Variants in DNAJC1 observed in about 807,000 individuals in gnomAD.
DNAJC1 encodes dnaJ homolog subfamily C member 1.
A neutral mutation model predicts 76.6 loss-of-function variants in DNAJC1; 58 were observed. The ratio of observed to expected loss-of-function variants is 0.76; its 90% CI spans 0.61 to 0.94. The LOEUF (loss-of-function observed/expected upper bound fraction) is 0.94. Among genes scored for constraint, DNAJC1 ranks in the 40% least tolerant of loss-of-function variants. DNAJC1 has a pLI of 0.00. For synonymous variants in DNAJC1, 258 were observed against 267.9 expected (o/e 0.96, Z 0.36); for missense variants, 689 against 677.3 (o/e 1.02, Z -0.19).
At chr10:21,959,467 C>A (rs1837749859) in intron 1 of DNAJC1, among the ~76,000 whole-genome samples, 1 of 152,060 alleles carries the variant, frequency 6.6e-6, no homozygotes, top group Admixed American at 6.6e-5. Flanking sequence ...TTTAGTTTCT[C>A]CTGAATGTGG....
intron 8 of DNAJC1, among the ~76,000 whole-genome samples, chr10:21,829,165 G>C (rs1382131251): frequency 1.3e-5 from 2 of 151,716 alleles, no homozygotes; most frequent in African/African-American, 2.4e-5. Context: ...CAAGTAGCTG[G>C]AACTACAGGA....
At chr10:21,912,164 T>C (rs889747000) in intron 6 of DNAJC1, among the ~76,000 whole-genome samples, 6 of 152,130 alleles carry the variant, frequency 3.9e-5, no homozygotes, top group African/African-American at 9.6e-5. Context: ...TATTCTTTTT[T>C]AGTTTTTATT....
chr10:21,833,702 A>G (rs976821615), intron 8 of DNAJC1, among the ~76,000 whole-genome samples: 4 of 152,182 alleles, frequency 2.6e-5, no homozygotes, highest in African/African-American at 9.7e-5. Flanking sequence ...TACCAGGCAC[A>G]CAGTAGCCAC....
chr10:21,847,473 GA>G (rs1470035142), intron 8 of DNAJC1, among the ~76,000 whole-genome samples: 2 of 151,988 alleles, frequency 1.3e-5, no homozygotes, highest in African/African-American at 4.8e-5. Flanking sequence ...TAGCTGTTTT[GA>G]AATATACAAC....
chr10:21,912,513 C>A (rs148249530), intron 6 of DNAJC1, among the ~76,000 whole-genome samples: 8 of 152,090 alleles, frequency 5.3e-5, no homozygotes, highest in African/African-American at 1.9e-4. Context: ...TCCAGTTTGC[C>A]TGTATCCCTT....
chr10:21,858,597 CCAG>C (rs1198655424), intron 8 of DNAJC1, among the ~76,000 whole-genome samples: 1 of 152,160 alleles, frequency 6.6e-6, no homozygotes, highest in Non-Finnish European at 1.5e-5. Flanking sequence ...CTAACCAGGT[CCAG>C]CTAGTTTAGC....
intron 1 of DNAJC1, among the ~76,000 whole-genome samples, chr10:21,958,039 G>C (rs995315931): frequency 2.0e-5 from 3 of 152,054 alleles, no homozygotes; most frequent in Non-Finnish European, 2.9e-5. Context: ...CCTAACACTG[G>C]TTTTACCAAG....
At chr10:21,898,219 T>C (rs1476229722) in intron 7 of DNAJC1, among the ~76,000 whole-genome samples, 2 of 152,210 alleles carry the variant, frequency 1.3e-5, no homozygotes, top group East Asian at 1.9e-4. Flanking sequence ...AATGAAGATA[T>C]AAATAATTAA....
chr10:21,872,518 G>A (rs959800341), intron 8 of DNAJC1, among the ~76,000 whole-genome samples: 1 of 152,158 alleles, frequency 6.6e-6, no homozygotes, highest in African/African-American at 2.4e-5. Flanking sequence ...GTTGAAAAGT[G>A]TAATAACTGA....
intron 6 of DNAJC1, among the ~76,000 whole-genome samples, chr10:21,910,636 G>T (rs1460968496): frequency 6.6e-6 from 1 of 151,986 alleles, no homozygotes; most frequent in African/African-American, 2.4e-5. Context: ...ACAAGAAGGG[G>T]AATAACACAC....
rs908882500 is a variant in DNAJC1 at position 21,830,259 on chromosome 10, C to T, written c.979-24160G>A. Among the ~76,000 whole-genome samples the T allele has an allele frequency of 2.0e-5, 3 of 152,168 alleles. No individual in the cohort carries two copies. In the East Asian group the frequency reaches 5.8e-4, roughly 29 times the overall value. On this transcript the variant is annotated intron_variant, in intron 8 of 11. Coordinates refer to ENST00000376980, the MANE Select transcript of DNAJC1 (RefSeq NM_022365.4). ...AATTTTCTTCTTGCTGAAGCACATC[C>T]TTAAGTAGACTTCATGGTAAGGGTC...
At chr10:21,999,870 T>C (rs1389887431) in intron 1 of DNAJC1, among the ~76,000 whole-genome samples, 2 of 152,288 alleles carry the variant, frequency 1.3e-5, no homozygotes, top group African/African-American at 4.8e-5. Flanking sequence ...AGTTACTCTC[T>C]AAGTGCCTCG....
At chr10:21,906,162 C>T (rs534596271) in intron 6 of DNAJC1, among the ~76,000 whole-genome samples, 260 of 152,120 alleles carry the variant, frequency 1.7e-3, no homozygotes, top group Non-Finnish European at 2.7e-3. Flanking sequence ...TCTCTTAATT[C>T]TTTTCATCCC....
intron 1 of DNAJC1, among the ~76,000 whole-genome samples, chr10:21,970,685 CA>C (rs1837963140): frequency 6.6e-6 from 1 of 151,906 alleles, no homozygotes; most frequent in South Asian, 2.1e-4. Context: ...TAATGGAATA[CA>C]GAGTTGACTT....
chr10:21,986,587 C>T (rs1838252480), intron 1 of DNAJC1, among the ~76,000 whole-genome samples: 1 of 152,038 alleles, frequency 6.6e-6, no homozygotes, highest in African/African-American at 2.4e-5. Context: ...TATTCTCTAT[C>T]TGGGATGATC....
chr10:21,910,535 G>A (rs1325950202), intron 6 of DNAJC1, among the ~76,000 whole-genome samples: 1 of 151,626 alleles, frequency 6.6e-6, no homozygotes, highest in Non-Finnish European at 1.5e-5. Context: ...CCAAAGAAAA[G>A]CTTAAGAAAC....
At chr10:21,968,402 G>A (rs566565016) in intron 1 of DNAJC1, among the ~76,000 whole-genome samples, 1 of 152,034 alleles carries the variant, frequency 6.6e-6, no homozygotes, top group Non-Finnish European at 1.5e-5. Flanking sequence ...ACCCAAGATC[G>A]TAAAATTGGT....
At chr10:21,884,150 CAAAT>C (rs1836330286) in intron 7 of DNAJC1, among the ~76,000 whole-genome samples, 1 of 151,954 alleles carries the variant, frequency 6.6e-6, no homozygotes, top group African/African-American at 2.4e-5. Flanking sequence ...AATCAAGAGA[CAAAT>C]AATAGATTTG....
At chr10:21,757,124 G>A (rs750092381) in intron 11 of DNAJC1, among the ~76,000 whole-genome samples, 1 of 152,234 alleles carries the variant, frequency 6.6e-6, no homozygotes, top group Non-Finnish European at 1.5e-5. Flanking sequence ...CTGGGGCCAG[G>A]TAGCCTATTA....
Sources: gnomAD v4.1 joint callset for allele counts (sites outside exome capture counted in the v4.1 genomes callset) on GRCh38, gnomAD v4.1.1 for gene constraint, MANE v1.5 for transcripts, NCBI Gene and HGNC (gene_info 2026-07-23, HGNC 2026-07-21) for gene names.